The following TACR1 variants were observed in gnomAD, a reference collection of about 807,000 sequenced individuals.
The protein encoded by TACR1 is tachykinin receptor 1.
A neutral mutation model predicts 35.8 loss-of-function variants in TACR1; 25 were observed. The ratio of observed to expected loss-of-function variants is 0.70; its 90% confidence interval spans 0.51 to 0.98. The LOEUF is 0.98. Among genes scored for constraint, TACR1 ranks in the 50% least tolerant of loss-of-function variants. TACR1 has a pLI of 0.00. For missense variants in TACR1, 478 were observed against 522.9 expected (o/e 0.91, Z 0.84); for synonymous variants, 195 against 206.7 (o/e 0.94, Z 0.48).
intron 2 of TACR1, among the ~76,000 whole-genome samples, chr2:75,095,851 T>TG (rs1176767075): frequency 6.6e-6 from 1 of 152,094 alleles, no homozygotes; most frequent in Non-Finnish European, 1.5e-5. Flanking sequence ...ATGCTCCAGG[T>TG]GGTACAGCTA....
intron 1 of TACR1, among the ~76,000 whole-genome samples, chr2:75,122,156 A>G (rs1673982901): frequency 6.6e-6 from 1 of 152,186 alleles, no homozygotes. Flanking sequence ...AAGTGACCTC[A>G]AGTGGTAATT....
chr2:75,169,218 GT>G (rs1675217895), intron 1 of TACR1, among the ~76,000 whole-genome samples: 1 of 152,044 alleles, frequency 6.6e-6, no homozygotes, highest in South Asian at 2.1e-4. Context: ...TGGAAATCAT[GT>G]TTGATAGATT....
intron 1 of TACR1, among the ~76,000 whole-genome samples, chr2:75,125,107 T>C (rs1043773813): frequency 1.3e-5 from 2 of 152,240 alleles, no homozygotes; most frequent in Non-Finnish European, 2.9e-5. Flanking sequence ...CCTTTACTGC[T>C]GTGAAGATCT....
In TACR1 at chr2:75,053,666, G is replaced by T. The variant is rs1021820513; in HGVS notation, c.674C>A (p.Ala225Asp). Residue 225 changes from alanine (A) to aspartate (D), a missense_variant, in exon 3 of 5, where the codon GCC becomes GAC. Transcript: ENST00000305249. ...AYTVVGITLW[A>D]SEIPGDSSDR... is the part of the protein sequence containing the mutation. ...AGAGGAGTCCCCGGGGATCTCACTG[G>T]CCCATAGTGTGATTCCCACTACGGT... 1 of 1,609,744 alleles carries T rather than the reference G, an allele frequency of 6.2e-7. No homozygotes were observed. The highest frequency in any genetic ancestry group is 1.7e-5 in the Admixed American group (1 of 59,482).
Sources: gnomAD v4.1 joint callset for allele counts (sites outside exome capture counted in the v4.1 genomes callset) on GRCh38, gnomAD v4.1.1 for gene constraint, MANE v1.5 for transcripts, NCBI Gene and HGNC (gene_info 2026-07-23, HGNC 2026-07-21) for gene names.